Variants in GRM3 observed in about 807,000 individuals in gnomAD.
GRM3 encodes glutamate metabotropic receptor 3.
GRM3 carries 26 observed loss-of-function variants against 70.5 expected under a neutral mutation model. The observed-to-expected ratio is 0.37, with a 90% confidence interval of 0.27 to 0.51. The LOEUF (loss-of-function observed/expected upper bound fraction) is 0.51, where lower values mean the gene tolerates loss of function less well. Among genes scored for constraint, GRM3 ranks in the 20% least tolerant of loss-of-function variants. The pLI is 0.93. For synonymous variants in GRM3, 443 were observed against 434.9 expected (o/e 1.02, Z -0.23); for missense variants, 859 against 1,123.8 (o/e 0.76, Z 3.37).
intron 2 of GRM3, among the ~76,000 whole-genome samples, chr7:86,785,685 A>ATTTTTTTTTTTTTTTTTTTTT (rs749456155): frequency 4.6e-5 from 3 of 65,234 alleles, no homozygotes; most frequent in Admixed American, 2.4e-4. Context: ...AATAGAATTG[A>ATTTTTTTTTTTTTTTTTTTTT]TTTTTTTTTT....
At chr7:86,670,365 TACCTC>T (rs1425064488) in intron 1 of GRM3, among the ~76,000 whole-genome samples, 1 of 152,208 alleles carries the variant, frequency 6.6e-6, no homozygotes, top group African/African-American at 2.4e-5. Flanking sequence ...GCTAGTGCTC[TACCTC>T]TAATCATGTT....
intron 1 of GRM3, among the ~76,000 whole-genome samples, chr7:86,741,312 T>C (rs756487640): frequency 2.6e-5 from 4 of 152,088 alleles, no homozygotes; most frequent in Non-Finnish European, 4.4e-5. Flanking sequence ...CCACAACTGC[T>C]TCTAAAAAAC....
At chr7:86,685,750 C>CA (rs1794549454) in intron 1 of GRM3, among the ~76,000 whole-genome samples, 1 of 151,668 alleles carries the variant, frequency 6.6e-6, no homozygotes, top group East Asian at 1.9e-4. Flanking sequence ...ACTAAAAATA[C>CA]AAAAAATTAG....
At chr7:86,716,774 A>G (rs543446517) in intron 1 of GRM3, among the ~76,000 whole-genome samples, 20 of 152,094 alleles carry the variant, frequency 1.3e-4, no homozygotes, top group African/African-American at 3.6e-4. Flanking sequence ...AGATTATAAG[A>G]AAAACTATTT....
intron 1 of GRM3, among the ~76,000 whole-genome samples, chr7:86,760,221 G>A (rs577654572): frequency 8.6e-5 from 13 of 151,968 alleles, no homozygotes; most frequent in Admixed American, 4.6e-4. Flanking sequence ...TTTCATTTCC[G>A]ACACCGAGTC....
chr7:86,666,072 A>T lies in GRM3; in HGVS notation c.-141+21200A>T, dbSNP rs1251855933. Among the ~76,000 whole-genome samples the T allele has an allele frequency of 7.2e-5, 11 of 152,064 alleles. No individual in the cohort carries two copies. In the East Asian group the frequency reaches 2.1e-3, roughly 29 times the overall value. Reference sequence around the variant, plus strand: ...AGTTAGAAATAAGATGTTAATCTTAATTACAGGAGCAAGTTGAAATGTATT... The same window carrying T: ...AGTTAGAAATAAGATGTTAATCTTATTTACAGGAGCAAGTTGAAATGTATT... On this transcript the variant is annotated intron_variant, in intron 1 of 5. Transcript: ENST00000361669.
intron 1 of GRM3, among the ~76,000 whole-genome samples, chr7:86,667,874 T>C (rs537328598): frequency 1.3e-5 from 2 of 152,168 alleles, no homozygotes; most frequent in East Asian, 1.9e-4. Flanking sequence ...CTACCAAACC[T>C]TCTAGTCACT....
At chr7:86,656,210 T>C (rs1413138301) in intron 1 of GRM3, among the ~76,000 whole-genome samples, 1 of 151,904 alleles carries the variant, frequency 6.6e-6, no homozygotes, top group Non-Finnish European at 1.5e-5. Context: ...CCTTCATTAT[T>C]TCCTAGCCTG....
At chr7:86,807,925 A>G (rs1033826265) in intron 3 of GRM3, among the ~76,000 whole-genome samples, 1 of 152,130 alleles carries the variant, frequency 6.6e-6, no homozygotes, top group African/African-American at 2.4e-5. Context: ...TCCCATCAAT[A>G]CCTAGTTTAT....
chr7:86,653,355 A>G (rs981668029), intron 1 of GRM3, among the ~76,000 whole-genome samples: 1 of 152,242 alleles, frequency 6.6e-6, no homozygotes, highest in Non-Finnish European at 1.5e-5. Flanking sequence ...TAACAATTAC[A>G]TGTAGAATGA....
chr7:86,845,254 G>A (rs1034130780), intron 4 of GRM3, among the ~76,000 whole-genome samples: 1 of 152,152 alleles, frequency 6.6e-6, no homozygotes, highest in African/African-American at 2.4e-5. Flanking sequence ...GTACTCAAAA[G>A]AGGATCAGTG....
intron 1 of GRM3, among the ~76,000 whole-genome samples, chr7:86,647,986 A>G (rs1793516589): frequency 6.6e-6 from 1 of 152,182 alleles, no homozygotes; most frequent in Non-Finnish European, 1.5e-5. Flanking sequence ...ATTATATTTT[A>G]TCTTGTTACT....
intron 1 of GRM3, among the ~76,000 whole-genome samples, chr7:86,708,712 A>G (rs1313659935): frequency 6.6e-6 from 1 of 152,160 alleles, no homozygotes; most frequent in Admixed American, 6.5e-5. Context: ...TTCACCCAGA[A>G]GCAAATCAGT....
intron 1 of GRM3, among the ~76,000 whole-genome samples, chr7:86,751,135 T>G (rs949297224): frequency 6.6e-6 from 1 of 152,046 alleles, no homozygotes; most frequent in East Asian, 1.9e-4. Flanking sequence ...ACAGCCACAT[T>G]CAAAGGTTAA....
chr7:86,841,386 G>A (rs1250149269), intron 4 of GRM3, among the ~76,000 whole-genome samples: 1 of 152,176 alleles, frequency 6.6e-6, no homozygotes, highest in Admixed American at 6.5e-5. Flanking sequence ...AAACATCAGA[G>A]CTGATCGGCA....
At chr7:86,824,795 T>C (rs941104822) in intron 3 of GRM3, among the ~76,000 whole-genome samples, 10 of 151,874 alleles carry the variant, frequency 6.6e-5, no homozygotes, top group Non-Finnish European at 1.5e-4. Flanking sequence ...AACAAATTTA[T>C]ATATATATGT....
intron 2 of GRM3, among the ~76,000 whole-genome samples, chr7:86,780,210 A>T (rs1280357849): frequency 6.6e-6 from 1 of 152,238 alleles, no homozygotes; most frequent in Non-Finnish European, 1.5e-5. Context: ...TTATAGCAGC[A>T]TGATGTGTAA....
intron 3 of GRM3, among the ~76,000 whole-genome samples, chr7:86,791,692 A>G (rs761969846): frequency 2.6e-5 from 4 of 152,206 alleles, no homozygotes; most frequent in Non-Finnish European, 4.4e-5. Context: ...CATTCTAAAT[A>G]TTAATGAAAT....
chr7:86,761,933 CTTTA>C (rs1328560301), intron 1 of GRM3, among the ~76,000 whole-genome samples: 1 of 152,112 alleles, frequency 6.6e-6, no homozygotes, highest in Non-Finnish European at 1.5e-5. Context: ...ATAAGGTAAT[CTTTA>C]TTTGAGTAGC....
Sources: gnomAD v4.1 joint callset for allele counts (sites outside exome capture counted in the v4.1 genomes callset) on GRCh38, gnomAD v4.1.1 for gene constraint, MANE v1.5 for transcripts, NCBI Gene and HGNC (gene_info 2026-07-23, HGNC 2026-07-21) for gene names.